KLF4: variants seen among roughly 807,000 people sequenced by gnomAD.
The protein encoded by KLF4 is KLF transcription factor 4, also known as Krueppel-like factor 4.
In KLF4, 14 loss-of-function variants were observed where a neutral mutation model predicts 38.0. The observed-to-expected ratio is 0.37, with a 90% CI of 0.24 to 0.58. The LOEUF is 0.58. Ranked by LOEUF, KLF4 falls within the 20% of genes least tolerant of loss-of-function variation. The probability of loss-of-function intolerance (pLI) is 0.76; values close to 1 mark genes in which losing one functional copy is unlikely to be tolerated. For synonymous variants in KLF4, 398 were observed against 302.5 expected (o/e 1.32, Z -3.28); for missense variants, 737 against 670.1 (o/e 1.10, Z -1.10).
rs34651589 is a variant in KLF4 at position 107,487,905 on chromosome 9, C to A, written c.489G>T (p.Ala163=). ...PIRAGNDPGV[A]PGGTGGGLLY... Reference sequence around the variant, plus strand: ...GGAGGCCTCCGCCCGTGCCGCCCGGCGCCACGCCCGGGTCGTTCCCGGCCC... The same window carrying A: ...GGAGGCCTCCGCCCGTGCCGCCCGGAGCCACGCCCGGGTCGTTCCCGGCCC... Residue 163 remains alanine, a synonymous_variant, in exon 3 of 5, where the codon GCG becomes GCT. Transcript: ENST00000374672. The surrounding 1 kb of genome is among the most constrained non-coding windows in gnomAD (Gnocchi z 6.1). 20,836 of 1,564,362 alleles carry A rather than the reference C, an allele frequency of 0.013. 184 individuals carry two copies. The highest frequency in any genetic ancestry group is 0.043 in the Middle Eastern group (256 of 5,960).
At position 107,487,560 on chromosome 9, in the gene KLF4, C is replaced by G. The variant is rs778935707; in HGVS notation, c.834G>C (p.Lys278Asn). 10 of 1,575,370 alleles carry G rather than the reference C, an allele frequency of 6.3e-6. No individual in the cohort carries two copies. Among genetic ancestry groups the G allele is most frequent in the Non-Finnish European group, 8.6e-6 (10 of 1,163,838 alleles). ...GGPPRTCPKI[K>N]QEAVSSCTHL... The stretch of plus-strand genomic sequence containing the variant: ...GGGTGCACGAAGAGACCGCCTCCTG[C>G]TTGATCTTGGGGCACGTGCGCGGCG... The change falls in exon 3 of 5, where the codon AAG becomes AAC. Residue 278 changes from lysine to asparagine, a missense_variant. Physicochemically the swap from Lys to Asn is moderately conservative, Grantham distance 94. Coordinates refer to ENST00000374672, the MANE Select transcript of KLF4 (RefSeq NM_004235.6). The surrounding 1 kb of genome is among the most constrained non-coding windows in gnomAD (Gnocchi z 6.1).
Position 107,488,159 on chromosome 9 carries a change from C to T in KLF4, c.235G>A (p.Ala79Thr), listed in dbSNP as rs1829119926. 1 of 1,612,462 alleles carries T rather than the reference C, an allele frequency of 6.2e-7. No individual in the cohort carries two copies. The highest frequency in any genetic ancestry group is 1.1e-5 in the South Asian group (1 of 91,088). Residue 79 changes from alanine to threonine, a missense_variant, in exon 3 of 5, where the codon GCC becomes ACC. Ala to Thr is a moderately conservative substitution (Grantham distance 58). This residue lies in a region of KLF4 where 695 missense variants were observed against 554.5 expected (regional missense o/e 1.25). Transcript: ENST00000374672. The surrounding 1 kb of genome is among the most constrained non-coding windows in gnomAD (Gnocchi z 5.7). Reference sequence around the variant, plus strand: ...TTGCTACCGCCGCAAGCCGCACCGGCTCCGCCGCTCTCCAGGTCTGTGGCC... The same window carrying T: ...TTGCTACCGCCGCAAGCCGCACCGGTTCCGCCGCTCTCCAGGTCTGTGGCC... ...TVATDLESGGAGAACGGSNLA... is the reference protein window; with the variant it reads ...TVATDLESGGTGAACGGSNLA...
rs758031468 is a variant in KLF4, at chr9:107,487,322, G to C, written c.1072C>G (p.Pro358Ala). The C allele has an allele frequency of 2.5e-6, 4 of 1,568,706 alleles. No individual in the cohort carries two copies. The South Asian group carries it at 3.6e-5, about 14-fold the overall frequency. The change falls in exon 3 of 5, where the codon CCG becomes GCG. Residue 358 changes from proline (P) to alanine (A), a missense_variant. Physicochemically the swap from Pro to Ala is conservative, Grantham distance 27. Transcript: ENST00000374672. The surrounding 1 kb of genome is among the most constrained non-coding windows in gnomAD (Gnocchi z 6.1). Reference sequence around the variant, plus strand: ...TGGTAATGGAGCGGCGGGACTTGCGGCTGCATCTGATCGGGCAGGAAGGAT... The same window carrying C: ...TGGTAATGGAGCGGCGGGACTTGCGCCTGCATCTGATCGGGCAGGAAGGAT... ...YPSFLPDQMQ[P>A]QVPPLHYQEL...
Position 107,488,139 on chromosome 9 carries a change from ACCGCCGCAAGCCGCACCGGCT to A in KLF4, c.234_254del (p.Ala79_Gly85del). The A allele has an allele frequency of 6.2e-7, 1 of 1,611,370 alleles. No homozygotes were observed. The highest frequency in any genetic ancestry group is 8.5e-7 in the Non-Finnish European group (1 of 1,179,824). ...TCCGAGGTAGGGGCGCCAGGTTGCT[ACCGCCGCAAGCCGCACCGGCT>A]CCGCCGCTCTCCAGGTCTGTGGCCA... On this transcript the variant is annotated inframe_deletion, in exon 3 of 5. Coordinates refer to ENST00000374672, the MANE Select transcript of KLF4 (RefSeq NM_004235.6). The surrounding 1 kb of genome is among the most constrained non-coding windows in gnomAD (Gnocchi z 5.7).
rs773003778 is a variant in KLF4 at position 107,484,962 on chromosome 9, T to C, written c.*789A>G. ...CTTTGTAGTTTACAAATATACAAAA[T>C]AGACGTTTGCTTAAATTTATATTAC... On this transcript the variant is annotated 3_prime_UTR_variant, in exon 5 of 5. Coordinates refer to ENST00000374672, the MANE Select transcript of KLF4 (RefSeq NM_004235.6). 1.5e-5 allele frequency: 3 copies of C among 199,014 alleles called. No individual in the cohort carries two copies. The highest frequency in any genetic ancestry group is 7.8e-5 in the East Asian group (1 of 12,812). 12.3% of individuals were successfully genotyped at this position (199,014 alleles called of 1,614,324 possible). A position where few individuals can be genotyped will look rare whatever the true frequency, so the allele number is the denominator to read the frequency against.
chr9:107,488,190 C>T lies in KLF4; in HGVS notation c.204G>A (p.Ala68=). Residue 68 remains alanine (A), a synonymous_variant, in exon 3 of 5, where the codon GCG becomes GCA. Coordinates refer to ENST00000374672, the MANE Select transcript of KLF4 (RefSeq NM_004235.6). This position sits in a 1 kb window ranked among gnomAD's most constrained non-coding sequence, Gnocchi z 5.7. The stretch of plus-strand genomic sequence containing the variant: ...CGCTCTCCAGGTCTGTGGCCACGGT[C>T]GCCGCCGCCAGGTCATAGGGGCGGC... ...LPGRPYDLAA[A]TVATDLESGG... is the part of the protein sequence containing the mutation. 3 of 1,612,140 alleles carry T rather than the reference C, an allele frequency of 1.9e-6. No individual in the cohort carries two copies. Among genetic ancestry groups the T allele is most frequent in the South Asian group, 1.1e-5 (1 of 90,992 alleles).
chr9:107,488,873 C>T lies in KLF4; in HGVS notation c.126+57G>A. On this transcript the variant is annotated intron_variant, in intron 2 of 4. Transcript: ENST00000374672. This position sits in a 1 kb window ranked among gnomAD's most constrained non-coding sequence, Gnocchi z 5.7. ...TGGTGACCCCAAGGCTCCGCCCGCC[C>T]CCACCACACCCACGAAAACCCACCG... The T allele has an allele frequency of 6.5e-7, 1 of 1,529,078 alleles. No homozygotes were observed. Among genetic ancestry groups the T allele is most frequent in the Non-Finnish European group, 8.8e-7 (1 of 1,132,214 alleles). The allele number at this position is 1,529,078 out of a possible 1,614,324, so 94.7% of individuals were successfully genotyped here.
Position 107,487,455 on chromosome 9 carries a change from G to A in KLF4, c.939C>T (p.Ser313=). 6.5e-7 allele frequency: 1 copy of A among 1,533,328 alleles called. No individual in the cohort carries two copies. The highest frequency in any genetic ancestry group is 1.3e-5 in the South Asian group (1 of 77,634). The allele number at this position is 1,533,328 out of a possible 1,614,324, so 95.0% of individuals were successfully genotyped here. A position where few individuals can be genotyped will look rare whatever the true frequency, so the allele number is the denominator to read the frequency against. ...HDFPLGRQLP[S]RTTPTLGLEE... ...CAAGACCCAGGGTCGGGGTAGTCCT[G>A]CTGGGGAGCTGCCGCCCCAGGGGGA... Residue 313 remains serine (S), a synonymous_variant, in exon 3 of 5, where the codon AGC becomes AGT. Coordinates refer to ENST00000374672, the MANE Select transcript of KLF4 (RefSeq NM_004235.6). The surrounding 1 kb of genome is among the most constrained non-coding windows in gnomAD (Gnocchi z 6.1).
chr9:107,484,912 CA>C lies in KLF4; in HGVS notation c.*838del. 1 of 190,916 alleles carries C rather than the reference CA, an allele frequency of 5.2e-6. No homozygotes were observed. The highest frequency in any genetic ancestry group is 1.1e-5 in the Non-Finnish European group (1 of 90,828). 11.8% of individuals were successfully genotyped at this position (190,916 alleles called of 1,614,324 possible). ...ATTCTCACCTTGAGTATGCAAAATA[CA>C]AACTCCACAAAATGTTCATTTTACT... On this transcript the variant is annotated 3_prime_UTR_variant, in exon 5 of 5. Coordinates refer to ENST00000374672, the MANE Select transcript of KLF4 (RefSeq NM_004235.6).
intron 4 of KLF4, 105 bp from the exon 5 acceptor site, chr9:107,486,031 A>G: frequency 1.0e-6 from 1 of 966,462 alleles, no homozygotes; most frequent in South Asian, 1.5e-5. Flanking sequence ...ACCCTATCCT[A>G]AAGAAATCCA....
chr9:107,486,510 G>C (rs1343076718), intron 4 of KLF4, among the ~76,000 whole-genome samples: 1 of 148,618 alleles, frequency 6.7e-6, no homozygotes, highest in East Asian at 2.0e-4. Context: ...CTGCTTGTGG[G>C]GGAAAAAAAA....
In KLF4 at chr9:107,488,723, G is replaced by A. The variant is rs1413040175; in HGVS notation, c.126+207C>T. Among the ~76,000 whole-genome samples the A allele has an allele frequency of 1.3e-5, 2 of 152,126 alleles. No individual in the cohort carries two copies. The highest frequency in any genetic ancestry group is 4.8e-5 in the African/African-American group (2 of 41,428). ...GGGGACTGGTGAAGACCCGGCTTGC[G>A]CCCCAGGCGGCTCCGCAGTGCTCGC... On this transcript the variant is annotated intron_variant, in intron 2 of 4. Transcript: ENST00000374672. The surrounding 1 kb of genome is among the most constrained non-coding windows in gnomAD (Gnocchi z 5.7).
At position 107,487,535 on chromosome 9, in the gene KLF4, G is replaced by C. The variant is rs139237114; in HGVS notation, c.859C>G (p.His287Asp). The C allele has an allele frequency of 1.3e-6, 2 of 1,558,662 alleles. No individual in the cohort carries two copies. Among genetic ancestry groups the C allele is most frequent in the Non-Finnish European group, 1.7e-6 (2 of 1,153,988 alleles). ...IKQEAVSSCT[H>D]LGAGPPLSNG... The stretch of plus-strand genomic sequence containing the variant: ...CTGAGAGGGGGTCCAGCGCCCAAGT[G>C]GGTGCACGAAGAGACCGCCTCCTGC... Residue 287 changes from histidine to aspartate, a missense_variant, in exon 3 of 5, where the codon CAC becomes GAC. By Grantham distance (81) the His-to-Asp change is moderately conservative. Transcript: ENST00000374672. The surrounding 1 kb of genome is among the most constrained non-coding windows in gnomAD (Gnocchi z 6.1).
chr9:107,489,248 G>A lies in KLF4; in HGVS notation c.-76C>T, dbSNP rs1404244320. The A allele has an allele frequency of 7.7e-6, 11 of 1,427,208 alleles. No individual in the cohort carries two copies. The highest frequency in any genetic ancestry group is 2.6e-5 in the East Asian group (1 of 38,326). 88.4% of individuals were successfully genotyped at this position (1,427,208 alleles called of 1,614,324 possible). ...TGAACCCCAAAGTCAACGAAGAGAAGAAACGAAGCCAAAACCCAAAACCCC... is the reference window on the plus strand; with the variant it reads ...TGAACCCCAAAGTCAACGAAGAGAAAAAACGAAGCCAAAACCCAAAACCCC... On this transcript the variant is annotated 5_prime_UTR_variant, in exon 1 of 5. Transcript: ENST00000374672.
At position 107,488,317 on chromosome 9, in the gene KLF4, AC is replaced by A. The variant is rs1829125608; in HGVS notation, c.127-51del. The stretch of plus-strand genomic sequence containing the variant: ...CTGTCAGTGGTGGTCCCCTGTTGCC[AC>A]CCGACATACTGACGTGCTGGCGGGC... On this transcript the variant is annotated intron_variant, in intron 2 of 4. Coordinates refer to ENST00000374672, the MANE Select transcript of KLF4 (RefSeq NM_004235.6). The surrounding 1 kb of genome is among the most constrained non-coding windows in gnomAD (Gnocchi z 5.7). 3 of 1,498,582 alleles carry A rather than the reference AC, an allele frequency of 2.0e-6. No homozygotes were observed. The East Asian group carries it at 7.3e-5, about 37-fold the overall frequency. 92.8% of individuals were successfully genotyped at this position (1,498,582 alleles called of 1,614,324 possible).
chr9:107,487,535 G>A lies in KLF4; in HGVS notation c.859C>T (p.His287Tyr), dbSNP rs139237114. The A allele has an allele frequency of 3.8e-3, 6,000 of 1,558,654 alleles. 16 individuals are homozygous for A. The highest frequency in any genetic ancestry group is 4.5e-3 in the Non-Finnish European group (5,202 of 1,153,984). Residue 287 changes from histidine to tyrosine, a missense_variant, in exon 3 of 5, where the codon CAC becomes TAC. Around this residue, in one of 2 missense-constraint regions of KLF4, gnomAD observed 695 missense variants for 554.5 expected, o/e 1.25. Coordinates refer to ENST00000374672, the MANE Select transcript of KLF4 (RefSeq NM_004235.6). This position sits in a 1 kb window ranked among gnomAD's most constrained non-coding sequence, Gnocchi z 6.1. The part of the protein sequence containing the change: ...IKQEAVSSCT[H>Y]LGAGPPLSNG... Reference sequence around the variant, plus strand: ...CTGAGAGGGGGTCCAGCGCCCAAGTGGGTGCACGAAGAGACCGCCTCCTGC... The same window carrying A: ...CTGAGAGGGGGTCCAGCGCCCAAGTAGGTGCACGAAGAGACCGCCTCCTGC...
In KLF4 at chr9:107,489,039, C is replaced by A. The variant is rs1222965749; in HGVS notation, c.17G>T (p.Gly6Val). Residue 6 changes from glycine (G) to valine (V), a missense_variant, in exon 2 of 5, where the codon GGC (glycine) becomes GTC (valine). This residue lies in a region of KLF4 where 695 missense variants were observed against 554.5 expected (regional missense o/e 1.25). Coordinates refer to ENST00000374672, the MANE Select transcript of KLF4 (RefSeq NM_004235.6). MRQPPGESDMAVSDAL... is the reference protein window; with the variant it reads MRQPPVESDMAVSDAL... Reference sequence around the variant, plus strand: ...GTCGCTGACAGCCATGTCAGACTCGCCAGGTGGCTGCCTGCGAGCAAGGCA... The same window carrying A: ...GTCGCTGACAGCCATGTCAGACTCGACAGGTGGCTGCCTGCGAGCAAGGCA... 6 of 1,556,878 alleles carry A rather than the reference C, an allele frequency of 3.9e-6. No homozygotes were observed. The Admixed American group carries it at 9.7e-5, about 25-fold the overall frequency.
In KLF4 at chr9:107,488,833, T is replaced by TCG; in HGVS notation, c.126+95_126+96dup. The TCG allele has an allele frequency of 1.4e-6, 2 of 1,465,516 alleles. No homozygotes were observed. The highest frequency in any genetic ancestry group is 1.8e-6 in the Non-Finnish European group (2 of 1,093,610). The allele number at this position is 1,465,516 out of a possible 1,614,324, so 90.8% of individuals were successfully genotyped here. Reference sequence around the variant, plus strand: ...TCCGCGCGGTGGCCGCTCCTTACCCTCGTTCAGTGGCTCTTGGTGACCCCA... The same window carrying TCG: ...TCCGCGCGGTGGCCGCTCCTTACCCTCGCGTTCAGTGGCTCTTGGTGACCCCA... On this transcript the variant is annotated intron_variant, in intron 2 of 4. Coordinates refer to ENST00000374672, the MANE Select transcript of KLF4 (RefSeq NM_004235.6). The surrounding 1 kb of genome is among the most constrained non-coding windows in gnomAD (Gnocchi z 5.7).
At position 107,489,369 on chromosome 9, in the gene KLF4, T is replaced by A; in HGVS notation, c.-197A>T. The A allele has an allele frequency of 1.5e-6, 1 of 677,432 alleles. No homozygotes were observed. The highest frequency in any genetic ancestry group is 2.2e-6 in the Non-Finnish European group (1 of 451,294). 42.0% of individuals were successfully genotyped at this position (677,432 alleles called of 1,614,324 possible). On this transcript the variant is annotated 5_prime_UTR_variant, in exon 1 of 5. Coordinates refer to ENST00000374672, the MANE Select transcript of KLF4 (RefSeq NM_004235.6). ...TATACAAAAGTTCTTAGAAAAGTTG[T>A]AAACGCAAAAATAGACAATCAGCAA... is the stretch of plus-strand genomic sequence containing the variant.
Sources: allele counts gnomAD v4.1 joint callset (sites outside exome capture counted in the v4.1 genomes callset), GRCh38; gene constraint gnomAD v4.1.1; regional missense constraint gnomAD v4.1.1; non-coding constraint Gnocchi (gnomAD v3.1); transcripts MANE v1.5; gene names NCBI Gene and HGNC (gene_info 2026-07-23, HGNC 2026-07-21).